The following SLC9A8 variants were observed in gnomAD, a reference collection of about 807,000 sequenced individuals.
SLC9A8 encodes solute carrier family 9 member A8.
Under a neutral mutation model 66.6 loss-of-function variants are expected in SLC9A8, and 48 were observed. The observed-to-expected ratio is 0.72, with a 90% CI of 0.57 to 0.92. SLC9A8 has a LOEUF of 0.92. Ranked by LOEUF, SLC9A8 falls within the 40% of genes least tolerant of loss-of-function variation. The pLI, the probability that SLC9A8 is intolerant of heterozygous loss-of-function variation, is 0.00. For synonymous variants in SLC9A8, 274 were observed against 282.6 expected, an observed-to-expected ratio of 0.97 and a Z score of 0.31; for missense variants, 599 against 747.3, an observed-to-expected ratio of 0.80 and a Z score of 2.31.
At position 49,891,850 on chromosome 20, in the gene SLC9A8, C is replaced by A. The variant is rs2090051327; in HGVS notation, c.*3914C>A. The A allele has an allele frequency of 6.6e-6, 1 of 152,262 alleles. No homozygotes were observed. Among genetic ancestry groups the A allele is most frequent in the East Asian group, 1.9e-4 (1 of 5,202 alleles). 9.4% of individuals were successfully genotyped at this position (152,262 alleles called of 1,614,324 possible). On this transcript the variant is annotated 3_prime_UTR_variant, in exon 16 of 16. Coordinates refer to ENST00000361573, the MANE Select transcript of SLC9A8 (RefSeq NM_015266.3). Reference sequence around the variant, plus strand: ...TTTCTCCAAGTAAGGATCTGCAAATCTTGAATCGTCCTCAAAATGACGAAG... The same window carrying A: ...TTTCTCCAAGTAAGGATCTGCAAATATTGAATCGTCCTCAAAATGACGAAG...
At chr20:49,831,016 G>A (rs1299060368) in intron 3 of SLC9A8, 8 of 740,788 alleles carry the variant, frequency 1.1e-5, no homozygotes, top group Non-Finnish European at 2.0e-5. Context: ...CCAACCAGGT[G>A]TACAAAAGAG....
At chr20:49,816,624 T>C (rs2086558133) in intron 2 of SLC9A8, among the ~76,000 whole-genome samples, 1 of 151,890 alleles carries the variant, frequency 6.6e-6, no homozygotes, top group African/African-American at 2.4e-5. Context: ...TGCCTCCATC[T>C]CAAAAAACAA....
intron 11 of SLC9A8, among the ~76,000 whole-genome samples, chr20:49,875,799 A>G (rs1175818287): frequency 6.6e-6 from 1 of 151,138 alleles, no homozygotes. Flanking sequence ...CAGTGGCGTG[A>G]TCTCAGCTCA....
At position 49,863,038 on chromosome 20, in the gene SLC9A8, G is replaced by A. The variant is rs1308781170; in HGVS notation, c.823G>A (p.Gly275Ser). Residue 275 changes from glycine to serine, a missense_variant, in exon 9 of 16, where the codon GGC (glycine) becomes AGC (serine). Transcript: ENST00000361573. ...AATGTTCTTTGGCTCTGCAGCGCTC[G>A]GCACTCTCACTGGCTTAATTTCTGC... is the stretch of plus-strand genomic sequence containing the variant. ...LKMFFGSAALGTLTGLISALV... is the reference protein window; with the variant it reads ...LKMFFGSAALSTLTGLISALV... 5 of 1,613,444 alleles carry A rather than the reference G, an allele frequency of 3.1e-6. No individual in the cohort carries two copies. The highest frequency in any genetic ancestry group is 4.5e-5 in the East Asian group (2 of 44,888).
At chr20:49,821,564 C>T (rs1469358535) in intron 2 of SLC9A8, among the ~76,000 whole-genome samples, 1 of 152,122 alleles carries the variant, frequency 6.6e-6, no homozygotes, top group Admixed American at 6.5e-5. Flanking sequence ...TTTGTCAGTG[C>T]AGCCTCTGAG....
At chr20:49,834,371 ATATATATATATACTGT>A (rs2087398474) in intron 3 of SLC9A8, among the ~76,000 whole-genome samples, 2 of 54,964 alleles carry the variant, frequency 3.6e-5, no homozygotes, top group East Asian at 6.9e-4. Flanking sequence ...TATACTGTGT[ATATATATATATACTGT>A]GTATATATAT....
Position 49,867,998 on chromosome 20 carries a change from G to A in SLC9A8, c.958+3154G>A, listed in dbSNP as rs73271147. Among the ~76,000 whole-genome samples the A allele has an allele frequency of 7.0e-3, 1,073 of 152,296 alleles. 20 individuals are homozygous for A. Among genetic ancestry groups the A allele is most frequent in the African/African-American group, 0.024 (994 of 41,554 alleles). Reference sequence around the variant, plus strand: ...TTTCATCGCAGACCAGTTCACCAGGGTAATTCCATCCTGGTGTCTGCCATG... The same window carrying A: ...TTTCATCGCAGACCAGTTCACCAGGATAATTCCATCCTGGTGTCTGCCATG... On this transcript the variant is annotated intron_variant, in intron 10 of 15. Transcript: ENST00000361573.
At chr20:49,887,021 GGCC>G (rs2089917204) in intron 15 of SLC9A8, 123 bp downstream of exon 15, 1 of 1,088,108 alleles carries the variant, frequency 9.2e-7, no homozygotes. Context: ...GGGCCCGCCA[GGCC>G]GCCGCCTCCC....
chr20:49,860,987 C>T (rs952262908), intron 8 of SLC9A8, among the ~76,000 whole-genome samples: 1 of 152,130 alleles, frequency 6.6e-6, no homozygotes, highest in African/African-American at 2.4e-5. Context: ...ATGGGCAGGC[C>T]TGCGTGAAGG....
chr20:49,834,165 CTCTCTCTCTCTCTCTCTCTCTATATATA>C (rs1265822217), intron 3 of SLC9A8, among the ~76,000 whole-genome samples: 1 of 56,632 alleles, frequency 1.8e-5, no homozygotes, highest in Non-Finnish European at 3.6e-5. Flanking sequence ...CTCTCTCTCT[CTCTCTCTCTCTCTCTCTCTCTATATATA>C]TATATATATA....
intron 2 of SLC9A8, among the ~76,000 whole-genome samples, chr20:49,817,240 C>T (rs150133295): frequency 0.086 from 12,987 of 151,726 alleles, 664 homozygotes; most frequent in Middle Eastern, 0.13. Flanking sequence ...TCACTTGAAC[C>T]CGGGAGGCAG....
chr20:49,877,198 G>A (rs1484132089), intron 11 of SLC9A8, among the ~76,000 whole-genome samples: 6 of 151,878 alleles, frequency 4.0e-5, no homozygotes, highest in African/African-American at 1.5e-4. Flanking sequence ...GGAGGCTGAG[G>A]CAGGAGAATT....
chr20:49,874,016 G>A (rs1326967608), intron 10 of SLC9A8, among the ~76,000 whole-genome samples: 6 of 152,028 alleles, frequency 3.9e-5, no homozygotes, highest in South Asian at 2.1e-4. Context: ...TTGGGAGGCC[G>A]AGGTGGGCAG....
At chr20:49,816,832 C>T (rs971626691) in intron 2 of SLC9A8, among the ~76,000 whole-genome samples, 5 of 151,900 alleles carry the variant, frequency 3.3e-5, no homozygotes, top group African/African-American at 1.2e-4. Flanking sequence ...GGGTTCACGC[C>T]GTTCTCCTGC....
rs557762868 is a variant in SLC9A8 at position 49,834,402 on chromosome 20, T to A, written c.290-5139T>A. Among the ~76,000 whole-genome samples, 66 of 48,288 alleles carry A rather than the reference T, an allele frequency of 1.4e-3. 2 individuals are homozygous for A. The highest frequency in any genetic ancestry group is 1.7e-3 in the African/African-American group (13 of 7,868). The allele number at this position is 48,288 out of a possible 152,430, so 31.7% of individuals were successfully genotyped here. ...ATATATACTGTGTATATATATATAC[T>A]GTGTATATATATATACTGTATATAT... On this transcript the variant is annotated intron_variant, in intron 3 of 15. Transcript: ENST00000361573.
intron 7 of SLC9A8, among the ~76,000 whole-genome samples, chr20:49,854,373 G>A (rs1225606466): frequency 2.0e-5 from 3 of 147,068 alleles, no homozygotes; most frequent in African/African-American, 7.6e-5. Context: ...TGCTCCCACC[G>A]CAGGAGTCGC....
At chr20:49,868,665 A>T (rs572891834) in intron 10 of SLC9A8, among the ~76,000 whole-genome samples, 1 of 152,314 alleles carries the variant, frequency 6.6e-6, no homozygotes, top group Non-Finnish European at 1.5e-5. Context: ...TTTGAATCCC[A>T]GCTCCACCTC....
At chr20:49,882,796 C>A (rs1370935588) in intron 13 of SLC9A8, among the ~76,000 whole-genome samples, 3 of 152,256 alleles carry the variant, frequency 2.0e-5, no homozygotes, top group Non-Finnish European at 4.4e-5. Context: ...TCCCGTGTCA[C>A]TGAATCCTCT....
chr20:49,862,940 G>C lies in SLC9A8; in HGVS notation c.725G>C (p.Gly242Ala). Residue 242 changes from glycine to alanine, a missense_variant, in exon 9 of 16, where the codon GGT (glycine) becomes GCT (alanine). Coordinates refer to ENST00000361573, the MANE Select transcript of SLC9A8 (RefSeq NM_015266.3). ...VSIVLTNTAE[G>A]LTRKNMSDVS... Reference sequence around the variant, plus strand: ...CTTTCATTTCCTAGCACAGCTGAAGGTTTAACAAGAAAAAATATGTCAGAT... The same window carrying C: ...CTTTCATTTCCTAGCACAGCTGAAGCTTTAACAAGAAAAAATATGTCAGAT... 6.2e-7 allele frequency: 1 copy of C among 1,612,030 alleles called. No individual in the cohort carries two copies. Among genetic ancestry groups the C allele is most frequent in the Non-Finnish European group, 8.5e-7 (1 of 1,178,448 alleles).
Sources: allele counts gnomAD v4.1 joint callset (sites outside exome capture counted in the v4.1 genomes callset), GRCh38; gene constraint gnomAD v4.1.1; transcripts MANE v1.5; gene names NCBI Gene and HGNC (gene_info 2026-07-23, HGNC 2026-07-21).